KIF13A: variants seen among roughly 807,000 people sequenced by gnomAD.
The protein encoded by KIF13A is kinesin family member 13A.
A neutral mutation model predicts 212.2 loss-of-function variants in KIF13A; 79 were observed. That is an observed-to-expected ratio of 0.37 (90% CI 0.31 to 0.45). The LOEUF (loss-of-function observed/expected upper bound fraction) is 0.45. KIF13A is among the 20% of genes least tolerant of loss of function. The pLI is 1.00. For synonymous variants in KIF13A, 789 were observed against 808.6 expected, an observed-to-expected ratio of 0.98 and a Z score of 0.41; for missense variants, 1,901 against 2,209.0, an observed-to-expected ratio of 0.86 and a Z score of 2.79.
At chr6:17,775,160 G>C (rs559099572) in intron 34 of KIF13A, 98 bp from the exon 35 acceptor site, 2 of 922,880 alleles carry the variant, frequency 2.2e-6, no homozygotes, top group African/African-American at 1.7e-5. Flanking sequence ...GAAGCCTGCA[G>C]TCTTCATTCT....
At chr6:17,904,963 G>A (rs960727538) in intron 2 of KIF13A, among the ~76,000 whole-genome samples, 9 of 152,192 alleles carry the variant, frequency 5.9e-5, no homozygotes, top group African/African-American at 1.2e-4. Flanking sequence ...TGAAGCCTCT[G>A]ACTGTCAATT....
chr6:17,979,470 A>G (rs1780867032), intron 2 of KIF13A, among the ~76,000 whole-genome samples: 1 of 152,214 alleles, frequency 6.6e-6, no homozygotes, highest in African/African-American at 2.4e-5. Flanking sequence ...AAAGCTTTTA[A>G]TAATAATAGT....
At chr6:17,823,072 T>C (rs1047247649) in intron 16 of KIF13A, among the ~76,000 whole-genome samples, 5 of 151,880 alleles carry the variant, frequency 3.3e-5, no homozygotes, top group African/African-American at 1.2e-4. Context: ...GTTTCACTCT[T>C]ATTGCCCAGG....
rs762253639 is a variant in KIF13A, at chr6:17,934,501, C to T, written c.147-36321G>A. ...CAATAATATCATAATAAAAAGACGCCGAAGGCCAGGCACCGTGGGTCATGC... is the reference window on the plus strand; with the variant it reads ...CAATAATATCATAATAAAAAGACGCTGAAGGCCAGGCACCGTGGGTCATGC... On this transcript the variant is annotated intron_variant, in intron 2 of 38. Transcript: ENST00000259711. The surrounding 1 kb of genome is among the most constrained non-coding windows in gnomAD (Gnocchi z 5.4). Among the ~76,000 whole-genome samples the T allele has an allele frequency of 6.6e-5, 10 of 152,158 alleles. No homozygotes were observed. Among genetic ancestry groups the T allele is most frequent in the East Asian group, 5.8e-4 (3 of 5,180 alleles).
chr6:17,906,692 C>G (rs1773535009), intron 2 of KIF13A, among the ~76,000 whole-genome samples: 1 of 152,102 alleles, frequency 6.6e-6, no homozygotes, highest in Non-Finnish European at 1.5e-5. Context: ...TCAAGCAATC[C>G]TCTTGCCTCA....
intron 4 of KIF13A, among the ~76,000 whole-genome samples, chr6:17,857,911 A>G (rs368059911): frequency 4.6e-5 from 7 of 152,336 alleles, no homozygotes; most frequent in African/African-American, 1.7e-4. Flanking sequence ...GAAAGTAAGT[A>G]AAGTGTGACT....
Position 17,951,180 on chromosome 6 carries a change from G to A in KIF13A, c.146+35874C>T. ...TAATTTTTTATTTTTTTGAAGACAG[G>A]GTCTGGCTCTGTCACCCAGGCTGGC... On this transcript the variant is annotated intron_variant, in intron 2 of 38. Coordinates refer to ENST00000259711, the MANE Select transcript of KIF13A (RefSeq NM_022113.6). This position sits in a 1 kb window ranked among gnomAD's most constrained non-coding sequence, Gnocchi z 4.9. The A allele has an allele frequency of 8.1e-7, 1 of 1,236,706 alleles. No homozygotes were observed. The highest frequency in any genetic ancestry group is 4.1e-5 in the Admixed American group (1 of 24,196). 76.6% of individuals were successfully genotyped at this position (1,236,706 alleles called of 1,614,324 possible).
chr6:17,787,931 T>C lies in KIF13A; in HGVS notation c.3262-56A>G. ...TAGACTGCACAGACAACGATTTCTTTCTTTCTTTTTTTAAAAGATGTTTAA... is the reference window on the plus strand; with the variant it reads ...TAGACTGCACAGACAACGATTTCTTCCTTTCTTTTTTTAAAAGATGTTTAA... On this transcript the variant is annotated intron_variant, in intron 26 of 38. Coordinates refer to ENST00000259711, the MANE Select transcript of KIF13A (RefSeq NM_022113.6). The surrounding 1 kb of genome is among the most constrained non-coding windows in gnomAD (Gnocchi z 4.6). 1 of 969,854 alleles carries C rather than the reference T, an allele frequency of 1.0e-6. No individual in the cohort carries two copies. The highest frequency in any genetic ancestry group is 1.6e-6 in the Non-Finnish European group (1 of 616,254). The allele number at this position is 969,854 out of a possible 1,614,324, so 60.1% of individuals were successfully genotyped here.
In KIF13A at chr6:17,987,136, G is replaced by A; in HGVS notation, c.64C>T (p.Leu22=). The change falls in exon 2 of 39, where the codon CTG becomes TTG. Residue 22 remains leucine, a synonymous_variant. Coordinates refer to ENST00000259711, the MANE Select transcript of KIF13A (RefSeq NM_022113.6). This position sits in a 1 kb window ranked among gnomAD's most constrained non-coding sequence, Gnocchi z 7.7. ...ATCTCCACCACGCACTTGGTGTTCA[G>A]TTCCAGTTCTGAAAGCAGAGAGAAA... ...VRPMNRRELE[L]NTKCVVEMEG... 6.2e-7 allele frequency: 1 copy of A among 1,612,024 alleles called. No individual in the cohort carries two copies. The highest frequency in any genetic ancestry group is 1.1e-5 in the South Asian group (1 of 90,892).
At chr6:17,908,785 G>C (rs1773762615) in intron 2 of KIF13A, among the ~76,000 whole-genome samples, 1 of 152,126 alleles carries the variant, frequency 6.6e-6, no homozygotes, top group Non-Finnish European at 1.5e-5. Context: ...AGACAGACTT[G>C]TGGTTTGATT....
intron 38 of KIF13A, among the ~76,000 whole-genome samples, chr6:17,765,479 A>G (rs1379507380): frequency 1.3e-5 from 2 of 152,202 alleles, no homozygotes; most frequent in East Asian, 3.8e-4. Flanking sequence ...CAACTGCAAA[A>G]GGGCAAAAAA....
intron 22 of KIF13A, among the ~76,000 whole-genome samples, chr6:17,797,846 C>T (rs776478967): frequency 3.3e-5 from 5 of 152,150 alleles, no homozygotes; most frequent in Non-Finnish European, 4.4e-5. Flanking sequence ...TGCAGTGAGC[C>T]GTGATTGTGC....
intron 11 of KIF13A, 30 bp downstream of exon 11, chr6:17,836,848 T>C (rs1458078551): frequency 6.2e-7 from 1 of 1,600,094 alleles, no homozygotes; most frequent in Non-Finnish European, 8.6e-7. Flanking sequence ...CAGGGAACTT[T>C]ACCAGCAGGG....
At chr6:17,975,180 C>T (rs1032024038) in intron 2 of KIF13A, among the ~76,000 whole-genome samples, 5 of 152,002 alleles carry the variant, frequency 3.3e-5, no homozygotes, top group Non-Finnish European at 5.9e-5. Context: ...CCTATCTCTA[C>T]TAAAAATAAA....
intron 38 of KIF13A, among the ~76,000 whole-genome samples, chr6:17,766,580 G>C (rs374296094): frequency 5.3e-5 from 8 of 151,858 alleles, no homozygotes; most frequent in African/African-American, 1.9e-4. Flanking sequence ...TACAGACAGG[G>C]GTCCTGCTCT....
rs939274516 is a variant in KIF13A at position 17,765,585 on chromosome 6, A to C, written c.4582-639T>G. Among the ~76,000 whole-genome samples the C allele has an allele frequency of 3.3e-5, 5 of 152,246 alleles. No homozygotes were observed. The East Asian group carries it at 9.6e-4, about 29-fold the overall frequency. Reference sequence around the variant, plus strand: ...TTACGGTCTTCTAGGATTTTTGAGAAGTATGAGTAGAGGGTTTGGCTAGAA... The same window carrying C: ...TTACGGTCTTCTAGGATTTTTGAGACGTATGAGTAGAGGGTTTGGCTAGAA... On this transcript the variant is annotated intron_variant, in intron 38 of 38. Transcript: ENST00000259711.
At position 17,897,226 on chromosome 6, in the gene KIF13A, C is replaced by T. The variant is rs569889443; in HGVS notation, c.159+942G>A. On this transcript the variant is annotated intron_variant, in intron 3 of 38. Transcript: ENST00000259711. The surrounding 1 kb of genome is among the most constrained non-coding windows in gnomAD (Gnocchi z 4.8). ...AGCTAAGATGGATTGTTCTTCATAA[C>T]CCCAGGGGAAAGTAAGCTTTGTCTT... is the stretch of plus-strand genomic sequence containing the variant. Among the ~76,000 whole-genome samples the T allele has an allele frequency of 2.6e-5, 4 of 152,236 alleles. No individual in the cohort carries two copies. The highest frequency in any genetic ancestry group is 4.1e-4 in the South Asian group (2 of 4,820).
At chr6:17,949,794 G>C (rs1275190406) in intron 2 of KIF13A, among the ~76,000 whole-genome samples, 1 of 152,038 alleles carries the variant, frequency 6.6e-6, no homozygotes, top group Non-Finnish European at 1.5e-5. Flanking sequence ...AAAAAAACAA[G>C]TGCCAACTCG....
rs528207097 is a variant in KIF13A at position 17,817,903 on chromosome 6, A to G, written c.1787-670T>C. 3.3e-5 allele frequency among the ~76,000 whole-genome samples: 5 copies of G among 152,336 alleles called. No homozygotes were observed. The East Asian group carries it at 9.6e-4, about 29-fold the overall frequency. ...GCTCACCACCATGCACATGGGTGAA[A>G]AGGTATAGATGTACTAACAGATCTT... On this transcript the variant is annotated intron_variant, in intron 16 of 38. Coordinates refer to ENST00000259711, the MANE Select transcript of KIF13A (RefSeq NM_022113.6).
Sources: allele counts gnomAD v4.1 joint callset (sites outside exome capture counted in the v4.1 genomes callset), GRCh38; gene constraint gnomAD v4.1.1; non-coding constraint Gnocchi (gnomAD v3.1); transcripts MANE v1.5; gene names NCBI Gene and HGNC (gene_info 2026-07-23, HGNC 2026-07-21).